SCUBE1: variants seen among roughly 807,000 people sequenced by gnomAD.
SCUBE1 encodes signal peptide, CUB domain and EGF like domain containing 1, also known as signal peptide, CUB and EGF-like domain-containing protein 1.
In SCUBE1, 59 loss-of-function variants were observed where a neutral mutation model predicts 124.4. That is an observed-to-expected ratio of 0.47 (90% CI 0.38 to 0.59). SCUBE1 has a LOEUF of 0.59. Among genes scored for constraint, SCUBE1 ranks in the 20% least tolerant of loss-of-function variants. The pLI is 0.00. For synonymous variants in SCUBE1, 545 were observed against 550.9 expected, an observed-to-expected ratio of 0.99 and a Z score of 0.15; for missense variants, 1,150 against 1,371.2, an observed-to-expected ratio of 0.84 and a Z score of 2.55.
chr22:43,243,463 G>A (rs940991691), intron 6 of SCUBE1, among the ~76,000 whole-genome samples: 3 of 152,262 alleles, frequency 2.0e-5, no homozygotes, highest in Non-Finnish European at 4.4e-5. Context: ...AGGGGAGGCC[G>A]GGCGCTCCAC....
At chr22:43,296,111 C>T (rs149979779) in intron 3 of SCUBE1, among the ~76,000 whole-genome samples, 1 of 152,348 alleles carries the variant, frequency 6.6e-6, no homozygotes, top group Non-Finnish European at 1.5e-5. Context: ...CAGAGCCAGG[C>T]CGTGGGCATG....
intron 4 of SCUBE1, among the ~76,000 whole-genome samples, chr22:43,275,631 G>C (rs561518218): frequency 6.6e-6 from 1 of 152,372 alleles, no homozygotes; most frequent in East Asian, 1.9e-4. Flanking sequence ...GACAGCTTCA[G>C]AGAGGAGGTG....
intron 4 of SCUBE1, among the ~76,000 whole-genome samples, chr22:43,264,878 C>T (rs553550207): frequency 6.6e-6 from 1 of 152,362 alleles, no homozygotes; most frequent in African/African-American, 2.4e-5. Flanking sequence ...CCAAAGCCTC[C>T]TGGCTCCTGC....
intron 12 of SCUBE1, 113 bp downstream of exon 12, chr22:43,222,525 C>A (rs1922133272): frequency 1.2e-6 from 1 of 811,868 alleles, no homozygotes; most frequent in Non-Finnish European, 2.0e-6. Context: ...CGGAGCAGGG[C>A]CGAGAGCAGG....
intron 3 of SCUBE1, among the ~76,000 whole-genome samples, chr22:43,291,574 C>T (rs936654353): frequency 1.3e-4 from 19 of 151,562 alleles, no homozygotes; most frequent in Non-Finnish European, 1.8e-4. Context: ...GCCCCCATCG[C>T]GCTGCACTAC....
intron 3 of SCUBE1, among the ~76,000 whole-genome samples, chr22:43,314,394 C>G (rs1926270510): frequency 6.6e-6 from 1 of 152,084 alleles, no homozygotes; most frequent in Admixed American, 6.5e-5. Context: ...CTGCCAGCAC[C>G]ACAGTGAGAT....
Position 43,197,948 on chromosome 22 carries a change from G to A in SCUBE1, c.*6049C>T, listed in dbSNP as rs1201022297. The A allele has an allele frequency of 6.6e-6, 1 of 152,384 alleles. No individual in the cohort carries two copies. Among genetic ancestry groups the A allele is most frequent in the Admixed American group, 6.5e-5 (1 of 15,288 alleles). 9.4% of individuals were successfully genotyped at this position (152,384 alleles called of 1,614,324 possible). On this transcript the variant is annotated 3_prime_UTR_variant, in exon 22 of 22. Transcript: ENST00000360835. ...CCACCGCCAGGGCTGACCTGGCCCA[G>A]TTTCCAATCTGTAAGCTTCAGATTG...
Position 43,210,292 on chromosome 22 carries a change from C to A in SCUBE1, c.2384-52G>T. The A allele has an allele frequency of 1.4e-6, 2 of 1,453,622 alleles. No individual in the cohort carries two copies. The highest frequency in any genetic ancestry group is 1.8e-6 in the Non-Finnish European group (2 of 1,104,252). 90.0% of individuals were successfully genotyped at this position (1,453,622 alleles called of 1,614,324 possible). ...CATCAGGCTCTGCTGGGCAGGGGCC[C>A]TGGCCGGCCAGGCCTCTAACCACCT... On this transcript the variant is annotated intron_variant, in intron 18 of 21. Coordinates refer to ENST00000360835, the MANE Select transcript of SCUBE1 (RefSeq NM_173050.5). The surrounding 1 kb of genome is among the most constrained non-coding windows in gnomAD (Gnocchi z 4.5).
At position 43,203,265 on chromosome 22, in the gene SCUBE1, G is replaced by T. The variant is rs945828536; in HGVS notation, c.*732C>A. 3 of 152,016 alleles carry T rather than the reference G, an allele frequency of 2.0e-5. No individual in the cohort carries two copies. The highest frequency in any genetic ancestry group is 7.3e-5 in the African/African-American group (3 of 41,372). 9.4% of individuals were successfully genotyped at this position (152,016 alleles called of 1,614,324 possible). A position where few individuals can be genotyped will look rare whatever the true frequency, so the allele number is the denominator to read the frequency against. On this transcript the variant is annotated 3_prime_UTR_variant, in exon 22 of 22. Transcript: ENST00000360835. ...TAATCGTTCAGGGAGGCTGATAGCT[G>T]CTGGGACTCACTGGGCTCATGCGGG...
intron 2 of SCUBE1, among the ~76,000 whole-genome samples, chr22:43,332,416 C>T (rs1926931483): frequency 1.3e-5 from 2 of 152,182 alleles, no homozygotes; most frequent in Admixed American, 1.3e-4. Context: ...TGTCTCAGAC[C>T]AGCCAGCAGC....
chr22:43,337,622 G>C (rs1393330030), intron 2 of SCUBE1, among the ~76,000 whole-genome samples: 1 of 152,212 alleles, frequency 6.6e-6, no homozygotes, highest in Non-Finnish European at 1.5e-5. Context: ...CCCCACTTTG[G>C]GTTCTGGGCC....
chr22:43,245,606 A>T (rs1325716981), intron 6 of SCUBE1, among the ~76,000 whole-genome samples: 1 of 152,130 alleles, frequency 6.6e-6, no homozygotes, highest in Non-Finnish European at 1.5e-5. Context: ...CGGGGCCCCA[A>T]CGCCCATGAT....
intron 10 of SCUBE1, among the ~76,000 whole-genome samples, chr22:43,225,524 C>T (rs1922267243): frequency 6.7e-6 from 1 of 149,438 alleles, no homozygotes; most frequent in Non-Finnish European, 1.5e-5. Flanking sequence ...CGCCTGCAAT[C>T]CCGGCACTTT....
Position 43,295,122 on chromosome 22 carries a change from G to A in SCUBE1, c.350-3942C>T, listed in dbSNP as rs143970104. Among the ~76,000 whole-genome samples, 320 of 152,244 alleles carry A rather than the reference G, an allele frequency of 2.1e-3. 1 individual carries two copies. The highest frequency in any genetic ancestry group is 0.014 in the Admixed American group (208 of 15,272). On this transcript the variant is annotated intron_variant, in intron 3 of 21. Coordinates refer to ENST00000360835, the MANE Select transcript of SCUBE1 (RefSeq NM_173050.5). ...CCCGCAGGATTCAGCTGTGAATGAC[G>A]ACCCTTCAAGTCCGATGGCGGTAGT... is the stretch of plus-strand genomic sequence containing the variant.
intron 3 of SCUBE1, among the ~76,000 whole-genome samples, chr22:43,295,939 C>T (rs1925539147): frequency 6.6e-6 from 1 of 152,158 alleles, no homozygotes; most frequent in East Asian, 1.9e-4. Flanking sequence ...GCCTGGGGAT[C>T]CTGGAGGAGG....
intron 3 of SCUBE1, among the ~76,000 whole-genome samples, chr22:43,316,242 G>C (rs1370950005): frequency 6.6e-6 from 1 of 152,190 alleles, no homozygotes; most frequent in African/African-American, 2.4e-5. Context: ...GCATGGAGAG[G>C]TAAAGTGACT....
chr22:43,249,534 C>T (rs1923355409), intron 6 of SCUBE1, among the ~76,000 whole-genome samples: 2 of 152,230 alleles, frequency 1.3e-5, no homozygotes, highest in Non-Finnish European at 2.9e-5. Context: ...CCTCCCAGTT[C>T]TCCAGCCTCC....
At chr22:43,315,979 T>C (rs1463898962) in intron 3 of SCUBE1, among the ~76,000 whole-genome samples, 1 of 151,304 alleles carries the variant, frequency 6.6e-6, no homozygotes, top group African/African-American at 2.4e-5. Context: ...GGAAGGAGAG[T>C]TCCACGTGTC....
At chr22:43,221,131 C>A (rs772291896) in intron 13 of SCUBE1, 42 bp downstream of exon 13, 7 of 1,513,380 alleles carry the variant, frequency 4.6e-6, no homozygotes, top group Non-Finnish European at 6.4e-6. Flanking sequence ...GACTCTCCTA[C>A]AGCCCCGTTG....
Sources: allele counts gnomAD v4.1 joint callset (sites outside exome capture counted in the v4.1 genomes callset), GRCh38; gene constraint gnomAD v4.1.1; non-coding constraint Gnocchi (gnomAD v3.1); transcripts MANE v1.5; gene names NCBI Gene and HGNC (gene_info 2026-07-23, HGNC 2026-07-21).